The following DNER variants were observed in gnomAD, a reference collection of about 807,000 sequenced individuals.
DNER encodes the protein delta/notch like EGF repeat containing.
Under a neutral mutation model 78.2 loss-of-function variants are expected in DNER, and 33 were observed. That is an observed-to-expected ratio of 0.42 (90% confidence interval 0.32 to 0.56). DNER has a LOEUF of 0.56. DNER is among the 20% of genes least tolerant of loss of function. The pLI, the probability that DNER is intolerant of heterozygous loss-of-function variation, is 0.11. For missense variants in DNER, 918 were observed against 975.3 expected (o/e 0.94, Z 0.78); for synonymous variants, 417 against 384.8 (o/e 1.08, Z -0.98).
chr2:229,587,111 AC>A, intron 3 of DNER: 1 of 498,484 alleles, frequency 2.0e-6, no homozygotes, highest in Non-Finnish European at 2.6e-6. Context: ...GAGATAGAAG[AC>A]CAGAAAATTT....
chr2:229,517,116 AAAAAAAAAAAAG>A (rs1695995117), intron 5 of DNER, among the ~76,000 whole-genome samples: 1 of 151,330 alleles, frequency 6.6e-6, no homozygotes, highest in African/African-American at 2.4e-5. Flanking sequence ...TCTCAAAAAA[AAAAAAAAAAAAG>A]AAAAAAAATT....
chr2:229,673,910 C>A (rs1699253770), intron 1 of DNER, among the ~76,000 whole-genome samples: 1 of 152,224 alleles, frequency 6.6e-6, no homozygotes, highest in Non-Finnish European at 1.5e-5. Flanking sequence ...ATGGGTTTGG[C>A]CAACAGAGTG....
intron 4 of DNER, among the ~76,000 whole-genome samples, chr2:229,574,042 C>T (rs550049546): frequency 1.3e-4 from 20 of 152,164 alleles, no homozygotes; most frequent in African/African-American, 4.3e-4. Context: ...TTCTTAAGGA[C>T]GTTGCTAAAA....
chr2:229,696,384 A>G (rs967593354), intron 1 of DNER, among the ~76,000 whole-genome samples: 1 of 152,228 alleles, frequency 6.6e-6, no homozygotes, highest in African/African-American at 2.4e-5. Flanking sequence ...GGAGGAGGAA[A>G]CTGACCAAAT....
intron 5 of DNER, among the ~76,000 whole-genome samples, chr2:229,521,991 G>T (rs773436982): frequency 1.9e-4 from 29 of 151,522 alleles, no homozygotes; most frequent in Non-Finnish European, 3.4e-4. Flanking sequence ...CTTTTATTCG[G>T]GTTCAGTAAT....
At chr2:229,672,858 A>C (rs1470221932) in intron 1 of DNER, among the ~76,000 whole-genome samples, 1 of 152,194 alleles carries the variant, frequency 6.6e-6, no homozygotes, top group Non-Finnish European at 1.5e-5. Context: ...AGTTTCTAGA[A>C]GGGTCTACAG....
At chr2:229,714,088 C>T in intron 1 of DNER, 60 bp downstream of exon 1, 6 of 1,240,316 alleles carry the variant, frequency 4.8e-6, no homozygotes, top group Non-Finnish European at 6.1e-6. Flanking sequence ...GCAGGGCCGG[C>T]GGGAAGAGGC....
chr2:229,422,516 A>G (rs983247157), intron 8 of DNER, among the ~76,000 whole-genome samples: 7 of 152,066 alleles, frequency 4.6e-5, no homozygotes, highest in African/African-American at 1.7e-4. Context: ...AGCGGTGGAG[A>G]TGGCTGCCAT....
rs933335773 is a variant in DNER at position 229,630,701 on chromosome 2, C to T, written c.277-38813G>A. On this transcript the variant is annotated intron_variant, in intron 1 of 12. Transcript: ENST00000341772. The stretch of plus-strand genomic sequence containing the variant: ...TGCAGGTTTGTTACAAGGACATATG[C>T]GATGCTGAGGTTTGGGGTATGATTG... Among the ~76,000 whole-genome samples, 7 of 152,000 alleles carry T rather than the reference C, an allele frequency of 4.6e-5. No individual in the cohort carries two copies. The East Asian group carries it at 7.7e-4, about 17-fold the overall frequency.
At chr2:229,582,662 T>C (rs1409377290) in intron 4 of DNER, among the ~76,000 whole-genome samples, 2 of 152,138 alleles carry the variant, frequency 1.3e-5, no homozygotes, top group East Asian at 1.9e-4. Context: ...TTTTTTGAGT[T>C]GGAGTCTCAC....
At chr2:229,494,556 C>G (rs1442181759) in intron 6 of DNER, among the ~76,000 whole-genome samples, 1 of 152,226 alleles carries the variant, frequency 6.6e-6, no homozygotes, top group Non-Finnish European at 1.5e-5. Flanking sequence ...CCTGGTGTGG[C>G]AGTGTCACCC....
At chr2:229,418,281 C>G in intron 8 of DNER, 51 bp from the exon 9 acceptor site, 7 of 1,610,082 alleles carry the variant, frequency 4.3e-6, no homozygotes, top group Non-Finnish European at 5.9e-6. Flanking sequence ...ATTTACAACC[C>G]ACGCGGGACC....
At chr2:229,637,715 CA>C (rs1210916022) in intron 1 of DNER, among the ~76,000 whole-genome samples, 1 of 152,144 alleles carries the variant, frequency 6.6e-6, no homozygotes, top group East Asian at 1.9e-4. Flanking sequence ...GCAAAGACTA[CA>C]AATCAAGTGC....
chr2:229,392,083 A>C (rs1049820273), intron 10 of DNER, among the ~76,000 whole-genome samples: 1 of 152,232 alleles, frequency 6.6e-6, no homozygotes, highest in East Asian at 1.9e-4. Context: ...TCTAGTATTA[A>C]ATATATGCCT....
In DNER at chr2:229,455,815, C is replaced by T. The variant is rs1694560423; in HGVS notation, c.1262-8275G>A. 2.0e-5 allele frequency among the ~76,000 whole-genome samples: 3 copies of T among 152,126 alleles called. No homozygotes were observed. The South Asian group carries it at 6.2e-4, about 32-fold the overall frequency. On this transcript the variant is annotated intron_variant, in intron 7 of 12. Coordinates refer to ENST00000341772, the MANE Select transcript of DNER (RefSeq NM_139072.4). ...GTTTTAAATATACTAAGTCATTTAA[C>T]TCTCACATCAATCCTATGAGATAAG...
intron 1 of DNER, among the ~76,000 whole-genome samples, chr2:229,697,862 C>T (rs185679244): frequency 2.9e-4 from 44 of 152,244 alleles, no homozygotes; most frequent in Non-Finnish European, 5.4e-4. Flanking sequence ...CTGCCTCCAA[C>T]TGAGGAAGGA....
At chr2:229,647,025 G>A (rs970276857) in intron 1 of DNER, among the ~76,000 whole-genome samples, 1 of 152,158 alleles carries the variant, frequency 6.6e-6, no homozygotes, top group African/African-American at 2.4e-5. Context: ...AACTTAGCTG[G>A]GCATGGTGGC....
chr2:229,588,668 T>C (rs1313940685), intron 2 of DNER, among the ~76,000 whole-genome samples, 180 bp from the exon 3 acceptor site: 1 of 152,152 alleles, frequency 6.6e-6, no homozygotes, highest in Non-Finnish European at 1.5e-5. Context: ...TCTTTGTCAT[T>C]TGATGTTCTG....
At chr2:229,484,343 A>G (rs1180069216) in intron 6 of DNER, among the ~76,000 whole-genome samples, 2 of 152,202 alleles carry the variant, frequency 1.3e-5, no homozygotes, top group Non-Finnish European at 1.5e-5. Flanking sequence ...TGGTCTGTAC[A>G]TCTAACTTGG....
Sources: gnomAD v4.1 joint callset for allele counts (sites outside exome capture counted in the v4.1 genomes callset) on GRCh38, gnomAD v4.1.1 for gene constraint, MANE v1.5 for transcripts, NCBI Gene and HGNC (gene_info 2026-07-23, HGNC 2026-07-21) for gene names.